ANKRD11: variants seen among roughly 807,000 people sequenced by gnomAD.
The protein encoded by ANKRD11 is ankyrin repeat domain-containing protein 11.
A neutral mutation model predicts 195.7 loss-of-function variants in ANKRD11; 17 were observed. The observed-to-expected ratio is 0.09, with a 90% CI of 0.06 to 0.13. The LOEUF is 0.13. ANKRD11 is among the 10% of genes least tolerant of loss of function. The pLI is 1.00. For synonymous variants in ANKRD11, 1,953 were observed against 1,528.1 expected, an observed-to-expected ratio of 1.28 and a Z score of -6.49; for missense variants, 3,735 against 3,566.1, an observed-to-expected ratio of 1.05 and a Z score of -1.21.
intron 1 of ANKRD11, chr16:89,459,535 G>A (rs776945732): frequency 6.6e-6 from 1 of 151,990 alleles, no homozygotes; most frequent in Non-Finnish European, 1.5e-5. Context: ...GTGAATTTGT[G>A]GACCAAATTT....
chr16:89,307,087 G>A (rs1171963932), intron 3 of ANKRD11, among the ~76,000 whole-genome samples: 4 of 151,350 alleles, frequency 2.6e-5, no homozygotes, highest in Non-Finnish European at 5.9e-5. Context: ...CACTCGGGAC[G>A]TGGGGAGGGG....
chr16:89,319,412 C>T (rs751245065), intron 2 of ANKRD11, among the ~76,000 whole-genome samples: 14 of 152,228 alleles, frequency 9.2e-5, no homozygotes, highest in Non-Finnish European at 1.6e-4. Flanking sequence ...ATACTTTTCA[C>T]GGCCTGCATC....
chr16:89,378,252 T>C (rs1173129756), intron 2 of ANKRD11, among the ~76,000 whole-genome samples: 1 of 152,174 alleles, frequency 6.6e-6, no homozygotes, highest in Non-Finnish European at 1.5e-5. Context: ...GTTGACTGTT[T>C]ATGTGATCAG....
At position 89,281,948 on chromosome 16, in the gene ANKRD11, C is replaced by T; in HGVS notation, c.4594G>A (p.Glu1532Lys). The T allele has an allele frequency of 6.2e-7, 1 of 1,612,972 alleles. No individual in the cohort carries two copies. The highest frequency in any genetic ancestry group is 8.5e-7 in the Non-Finnish European group (1 of 1,180,042). ...TTCTCTGCACCGTCCTTGAATTTCT[C>T]CTTCAGTTTGGCATCGCCGAGCCTC... is the stretch of plus-strand genomic sequence containing the variant. ...GPRLGDAKLK[E>K]KFKDGAEKEK... The change falls in exon 9 of 13, where the codon GAG (glutamate) becomes AAG (lysine). Residue 1532 changes from glutamate (E) to lysine (K), a missense_variant. Coordinates refer to ENST00000301030, the MANE Select transcript of ANKRD11 (RefSeq NM_013275.6). The surrounding 1 kb of genome is among the most constrained non-coding windows in gnomAD (Gnocchi z 5.5).
Position 89,282,940 on chromosome 16 carries a change from ACTTTCT to A in ANKRD11, c.3596_3601del (p.Glu1199_Lys1200del). ...CTTCTTCTCCTTGTGCTTTTCAAAG[ACTTTCT>A]CTTTTTTGTCTCTCCCCGCGTCGGC... On this transcript the variant is annotated inframe_deletion, in exon 9 of 13. Coordinates refer to ENST00000301030, the MANE Select transcript of ANKRD11 (RefSeq NM_013275.6). 6.2e-7 allele frequency: 1 copy of A among 1,611,584 alleles called. No individual in the cohort carries two copies. The highest frequency in any genetic ancestry group is 8.5e-7 in the Non-Finnish European group (1 of 1,179,520).
Position 89,280,318 on chromosome 16 carries a change from G to A in ANKRD11, c.6224C>T (p.Ala2075Val). The A allele has an allele frequency of 1.3e-5, 21 of 1,587,682 alleles. No individual in the cohort carries two copies. The highest frequency in any genetic ancestry group is 1.8e-5 in the Non-Finnish European group (21 of 1,166,676). The change falls in exon 9 of 13, where the codon GCC (alanine) becomes GTC (valine). Residue 2075 changes from alanine to valine, a missense_variant. Coordinates refer to ENST00000301030, the MANE Select transcript of ANKRD11 (RefSeq NM_013275.6). ...FFSNCKSLPE[A>V]PLDVAPEPAC... ...GGGCTCGGGGGCCACGTCCAGCGGG[G>A]CTTCCGGAAGTGACTTGCAGTTGCT...
At chr16:89,387,864 G>T (rs908210017) in intron 2 of ANKRD11, among the ~76,000 whole-genome samples, 2 of 151,204 alleles carry the variant, frequency 1.3e-5, no homozygotes, top group African/African-American at 4.9e-5. Flanking sequence ...AATTAGCCAG[G>T]CGTGGTGGTG....
chr16:89,342,852 C>T (rs560470261), intron 2 of ANKRD11, among the ~76,000 whole-genome samples: 8 of 152,212 alleles, frequency 5.3e-5, no homozygotes, highest in Admixed American at 2.6e-4. Flanking sequence ...TTTCTGTGAT[C>T]GTTTATGCCC....
At chr16:89,407,674 CACACACACACAT>C (rs1256785706) in intron 2 of ANKRD11, among the ~76,000 whole-genome samples, 2 of 152,032 alleles carry the variant, frequency 1.3e-5, no homozygotes, top group Non-Finnish European at 1.5e-5. Flanking sequence ...CACATACACA[CACACACACACAT>C]AGACACACAC....
chr16:89,361,569 A>G (rs2152058508), intron 2 of ANKRD11: 1 of 152,378 alleles, frequency 6.6e-6, no homozygotes, highest in South Asian at 2.1e-4. Flanking sequence ...CATCCGCATC[A>G]CCAGAAGGCT....
chr16:89,352,036 T>C (rs935244143), intron 2 of ANKRD11, among the ~76,000 whole-genome samples: 3 of 152,070 alleles, frequency 2.0e-5, no homozygotes, highest in African/African-American at 4.8e-5. Context: ...TCCGCTGAAA[T>C]GACAGGCACA....
At chr16:89,416,944 A>T (rs868204904) in intron 2 of ANKRD11, among the ~76,000 whole-genome samples, 125 of 151,862 alleles carry the variant, frequency 8.2e-4, no homozygotes, top group African/African-American at 2.9e-3. Context: ...CACCCCTTTT[A>T]TCACAACCAG....
At chr16:89,394,235 C>G (rs1448753700) in intron 2 of ANKRD11, among the ~76,000 whole-genome samples, 2 of 152,216 alleles carry the variant, frequency 1.3e-5, no homozygotes. Context: ...TCTGGGACTG[C>G]AGTTCCACAG....
At chr16:89,393,584 TG>T (rs1284401464) in intron 2 of ANKRD11, among the ~76,000 whole-genome samples, 1 of 151,608 alleles carries the variant, frequency 6.6e-6, no homozygotes, top group Non-Finnish European at 1.5e-5. Context: ...CAGAGTGATT[TG>T]CCCGCCTCAG....
chr16:89,309,699 G>T (rs1325156354), intron 3 of ANKRD11, among the ~76,000 whole-genome samples: 1 of 152,216 alleles, frequency 6.6e-6, no homozygotes, highest in Non-Finnish European at 1.5e-5. Context: ...GGGTGGGACA[G>T]GCCCTGTTTC....
intron 11 of ANKRD11, chr16:89,271,450 A>T: frequency 4.6e-6 from 1 of 216,092 alleles, no homozygotes; most frequent in South Asian, 6.6e-5. Context: ...GAGACTTTCT[A>T]GATATGTCAC....
At chr16:89,427,422 T>C (rs929925668) in intron 1 of ANKRD11, among the ~76,000 whole-genome samples, 1 of 152,246 alleles carries the variant, frequency 6.6e-6, no homozygotes, top group Non-Finnish European at 1.5e-5. Flanking sequence ...CTAGATGGAA[T>C]TGTAAACCTC....
intron 2 of ANKRD11, among the ~76,000 whole-genome samples, chr16:89,380,328 T>A (rs2040590430): frequency 6.6e-6 from 1 of 152,182 alleles, no homozygotes; most frequent in Admixed American, 6.5e-5. Context: ...GCCAAGCTGG[T>A]CTCAAACTCC....
At chr16:89,352,966 T>A (rs370471702) in intron 2 of ANKRD11, among the ~76,000 whole-genome samples, 17 of 152,266 alleles carry the variant, frequency 1.1e-4, no homozygotes, top group African/African-American at 3.6e-4. Flanking sequence ...CAGAAAAGTT[T>A]ATGGAAAACA....
Sources: gnomAD v4.1 joint callset for allele counts (sites outside exome capture counted in the v4.1 genomes callset) on GRCh38, gnomAD v4.1.1 for gene constraint, Gnocchi (gnomAD v3.1) non-coding constraint, MANE v1.5 for transcripts, NCBI Gene and HGNC (gene_info 2026-07-23, HGNC 2026-07-21) for gene names.